The following EVC variants were observed in gnomAD, a reference collection of about 807,000 sequenced individuals.
EVC encodes the protein evC complex member EVC.
A neutral mutation model predicts 118.9 loss-of-function variants in EVC; 116 were observed. That is an observed-to-expected ratio of 0.98 (90% CI 0.84 to 1.14). EVC has a LOEUF of 1.14. EVC is among the 50% of genes most tolerant of loss of function. The pLI is 0.00. For missense variants in EVC, 1,401 were observed against 1,246.4 expected, an observed-to-expected ratio of 1.12 and a Z score of -1.87; for synonymous variants, 619 against 534.7, an observed-to-expected ratio of 1.16 and a Z score of -2.18.
In EVC at chr4:5,755,328, G is replaced by A. The variant is rs1009694889; in HGVS notation, c.1465-936G>A. Among the ~76,000 whole-genome samples, 4 of 152,276 alleles carry A rather than the reference G, an allele frequency of 2.6e-5. No homozygotes were observed. The highest frequency in any genetic ancestry group is 1.9e-4 in the East Asian group (1 of 5,164). On this transcript the variant is annotated intron_variant, in intron 10 of 20. Coordinates refer to ENST00000264956, the MANE Select transcript of EVC (RefSeq NM_153717.3). The surrounding 1 kb of genome is among the most constrained non-coding windows in gnomAD (Gnocchi z 4.1). Reference sequence around the variant, plus strand: ...GGTACAGTCCTCGGAACGCCTCAGCGCTGGCGTTCAGGACACGTGGGACGC... The same window carrying A: ...GGTACAGTCCTCGGAACGCCTCAGCACTGGCGTTCAGGACACGTGGGACGC...
intron 1 of EVC, among the ~76,000 whole-genome samples, chr4:5,714,615 C>T (rs1723643769): frequency 6.6e-6 from 1 of 152,040 alleles, no homozygotes; most frequent in South Asian, 2.1e-4. Context: ...CCAACACCAC[C>T]ACCACACTCT....
intron 17 of EVC, among the ~76,000 whole-genome samples, chr4:5,806,642 A>C (rs1228572166): frequency 6.6e-6 from 1 of 152,218 alleles, no homozygotes; most frequent in African/African-American, 2.4e-5. Flanking sequence ...TGAATAATGC[A>C]ATGAACACAC....
chr4:5,747,484 G>A (rs1324207526), intron 7 of EVC, among the ~76,000 whole-genome samples: 1 of 152,226 alleles, frequency 6.6e-6, no homozygotes, highest in East Asian at 1.9e-4. Flanking sequence ...GATATCAAAT[G>A]TGTGAAGCAC....
intron 17 of EVC, among the ~76,000 whole-genome samples, chr4:5,806,295 C>T (rs111463354): frequency 0.059 from 8,879 of 151,518 alleles, 274 homozygotes; most frequent in Middle Eastern, 0.11. Context: ...TTGGCCAGGC[C>T]GGTCTCAAAC....
downstream of EVC, among the ~76,000 whole-genome samples, chr4:5,818,686 G>A (rs191240065): frequency 5.9e-3 from 892 of 152,302 alleles, 6 homozygotes; most frequent in Non-Finnish European, 8.4e-3. Flanking sequence ...ACCATGTGAT[G>A]CCCTGCACTG....
intron 13 of EVC, among the ~76,000 whole-genome samples, chr4:5,793,953 T>A (rs1713277704): frequency 6.6e-6 from 1 of 152,124 alleles, no homozygotes; most frequent in Non-Finnish European, 1.5e-5. Flanking sequence ...AGGTATAGTT[T>A]ACATACATTT....
chr4:5,782,577 G>A (rs546268805), intron 11 of EVC, among the ~76,000 whole-genome samples: 4 of 147,656 alleles, frequency 2.7e-5, no homozygotes, highest in Non-Finnish European at 4.5e-5. Context: ...AGATGTGAGC[G>A]GTGGATTCAC....
downstream of EVC, among the ~76,000 whole-genome samples, chr4:5,815,938 C>T (rs551643863): frequency 6.1e-4 from 93 of 151,798 alleles, no homozygotes; most frequent in Middle Eastern, 3.4e-3. Flanking sequence ...GAGGGAGGAA[C>T]GCTGAGTATA....
At chr4:5,724,675 G>A (rs2151885326) in intron 2 of EVC, among the ~76,000 whole-genome samples, 1 of 151,032 alleles carries the variant, frequency 6.6e-6, no homozygotes, top group East Asian at 2.0e-4. Flanking sequence ...TGGGGAGGTA[G>A]CGTACGTTGG....
chr4:5,757,117 G>T (rs1480505595), intron 11 of EVC, among the ~76,000 whole-genome samples: 1 of 152,204 alleles, frequency 6.6e-6, no homozygotes, highest in Non-Finnish European at 1.5e-5. Flanking sequence ...AATGGGGACA[G>T]TCATAATTCT....
chr4:5,752,302 T>C (rs1265317915), intron 8 of EVC, among the ~76,000 whole-genome samples: 2 of 151,858 alleles, frequency 1.3e-5, no homozygotes, highest in African/African-American at 4.8e-5. Flanking sequence ...CCTGAAATGA[T>C]GAGGTGGGGC....
chr4:5,800,321 G>A (rs1714739228), intron 15 of EVC, among the ~76,000 whole-genome samples: 1 of 152,120 alleles, frequency 6.6e-6, no homozygotes, highest in Admixed American at 6.5e-5. Context: ...CTCCAGCCTG[G>A]GTGACATAGC....
At chr4:5,721,134 T>G (rs1447260660) in intron 2 of EVC, among the ~76,000 whole-genome samples, 2 of 152,144 alleles carry the variant, frequency 1.3e-5, no homozygotes, top group Admixed American at 1.3e-4. Context: ...CTCTCTCTAC[T>G]GCTGTGCCCC....
chr4:5,804,095 G>C (rs539424304), intron 16 of EVC, among the ~76,000 whole-genome samples: 2 of 152,036 alleles, frequency 1.3e-5, no homozygotes, highest in South Asian at 2.1e-4. Context: ...ATGTCACTGC[G>C]CCTGGCTCAT....
chr4:5,714,568 C>A (rs983292054), intron 1 of EVC, among the ~76,000 whole-genome samples: 1 of 149,460 alleles, frequency 6.7e-6, no homozygotes, highest in East Asian at 2.0e-4. Context: ...GGACTTAGCT[C>A]TGTTGCCTCC....
chr4:5,726,569 T>TTTTTC (rs1553864292), intron 2 of EVC, among the ~76,000 whole-genome samples: 2 of 820 alleles, frequency 2.4e-3, no homozygotes, highest in Non-Finnish European at 3.1e-3. Context: ...TTCTCTTTTC[T>TTTTTC]TTTTTTTTTT....
rs1275781198 is a variant in EVC, at chr4:5,742,077, T to C, written c.801+263T>C. Among the ~76,000 whole-genome samples, 1 of 152,236 alleles carries C rather than the reference T, an allele frequency of 6.6e-6. No homozygotes were observed. The highest frequency in any genetic ancestry group is 1.9e-4 in the East Asian group (1 of 5,202). ...GACGGTCACTGTTAATGTTTTTTTC[T>C]GCACACATTTGGGATATTTTTAAAG... On this transcript the variant is annotated intron_variant, in intron 6 of 20. Coordinates refer to ENST00000264956, the MANE Select transcript of EVC (RefSeq NM_153717.3). The surrounding 1 kb of genome is among the most constrained non-coding windows in gnomAD (Gnocchi z 5.2).
rs1347461350 is a variant in EVC at position 5,742,995 on chromosome 4, C to G, written c.801+1181C>G. Among the ~76,000 whole-genome samples, 3 of 152,184 alleles carry G rather than the reference C, an allele frequency of 2.0e-5. No individual in the cohort carries two copies. The highest frequency in any genetic ancestry group is 4.4e-5 in the Non-Finnish European group (3 of 68,048). ...ATTTATACTCATGTAAACCCACTTT[C>G]AATTACATGCAAATGAAAGGGCAGT... On this transcript the variant is annotated intron_variant, in intron 6 of 20. Transcript: ENST00000264956. The surrounding 1 kb of genome is among the most constrained non-coding windows in gnomAD (Gnocchi z 5.2).
In EVC at chr4:5,810,368, C is replaced by T. The variant is rs747715305; in HGVS notation, c.2812C>T (p.Pro938Ser). Residue 938 changes from proline to serine, a missense_variant, in exon 20 of 21, where the codon CCC (proline) becomes TCC (serine). Pro to Ser is a moderately conservative substitution (Grantham distance 74). Coordinates refer to ENST00000264956, the MANE Select transcript of EVC (RefSeq NM_153717.3). ...GCCCCTAAGGACTAAAAGGAAGAAG[C>T]CCCTGCCCCAGGAAAGAGGGGACCT... Reference protein sequence around the residue: ...EKPLRTKRKKPLPQERGDLGV... With the variant: ...EKPLRTKRKKSLPQERGDLGV... The T allele has an allele frequency of 4.3e-6, 7 of 1,613,804 alleles. No homozygotes were observed. The African/African-American group carries it at 8.0e-5, about 18-fold the overall frequency.
Sources: allele counts gnomAD v4.1 joint callset (sites outside exome capture counted in the v4.1 genomes callset), GRCh38; gene constraint gnomAD v4.1.1; non-coding constraint Gnocchi (gnomAD v3.1); transcripts MANE v1.5; gene names NCBI Gene and HGNC (gene_info 2026-07-23, HGNC 2026-07-21).